The following IRX4 variants were observed in gnomAD, a reference collection of about 807,000 sequenced individuals.
The protein encoded by IRX4 is iroquois homeobox 4, also known as iroquois-class homeodomain protein IRX-4.
A neutral mutation model predicts 32.0 loss-of-function variants in IRX4; 22 were observed. That is an observed-to-expected ratio of 0.69 (90% CI 0.49 to 0.98). The LOEUF is 0.98. IRX4 is among the 50% of genes least tolerant of loss of function. The pLI is 0.00. For synonymous variants in IRX4, 379 were observed against 351.7 expected (o/e 1.08, Z -0.87); for missense variants, 840 against 744.2 (o/e 1.13, Z -1.50).
rs989702737 is a variant in IRX4, at chr5:1,878,532, C to A, written c.997G>T (p.Gly333Trp). The A allele has an allele frequency of 1.4e-6, 2 of 1,447,072 alleles. No homozygotes were observed. Among genetic ancestry groups the A allele is most frequent in the East Asian group, 2.7e-5 (1 of 37,492 alleles). 89.6% of individuals were successfully genotyped at this position (1,447,072 alleles called of 1,614,324 possible). ...TCTGCGCCCGGCAGTGGCTCCGGCC[C>A]GGCCGCCGCGCTGCGGAGACAGCTC... ...ARSCLRSAAA[G>W]PEPLPGAEGG... The change falls in exon 5 of 5, where the codon GGG (glycine) becomes TGG (tryptophan). Residue 333 changes from glycine to tryptophan, a missense_variant. By Grantham distance (184) the Gly-to-Trp change is radical (BLOSUM62 -2). This residue lies in a region of IRX4 where 585 missense variants were observed against 488.0 expected (regional missense o/e 1.20). Transcript: ENST00000231357.
intron 1 of IRX4, 37 bp from the exon 2 acceptor site, chr5:1,882,096 G>A (rs1453595180): frequency 5.2e-6 from 8 of 1,534,860 alleles, no homozygotes; most frequent in Non-Finnish European, 5.2e-6. Context: ...CGGGAAGCCG[G>A]GCTGGAGGCT....
rs1390798123 is a variant in IRX4, at chr5:1,881,077, G to T, written c.298-243C>A. On this transcript the variant is annotated intron_variant, in intron 2 of 4. Transcript: ENST00000231357. The stretch of plus-strand genomic sequence containing the variant: ...CGGGCCGGTGGGGGGGGGCGGGGGG[G>T]AGGAGGTGCAGTGTGGGGAGCGGGG... 4.2e-5 allele frequency: 14 copies of T among 337,142 alleles called. 2 individuals carry two copies. The highest frequency in any genetic ancestry group is 2.8e-4 in the Admixed American group (6 of 21,460). 20.9% of individuals were successfully genotyped at this position (337,142 alleles called of 1,614,324 possible).
In IRX4 at chr5:1,877,895, T is replaced by C. The variant is rs1354568582; in HGVS notation, c.*74A>G. ...CGCGGTGGCCGCGCTAGTCTTCCTC[T>C]GGAAACTCAGTGAAAAGAGTCGGCG... On this transcript the variant is annotated 3_prime_UTR_variant, in exon 5 of 5. Coordinates refer to ENST00000231357, the MANE Select transcript of IRX4 (RefSeq NM_016358.3). 3 of 1,359,862 alleles carry C rather than the reference T, an allele frequency of 2.2e-6. No homozygotes were observed. Among genetic ancestry groups the C allele is most frequent in the East Asian group, 2.7e-5 (1 of 36,890 alleles). The allele number at this position is 1,359,862 out of a possible 1,614,324, so 84.2% of individuals were successfully genotyped here.
chr5:1,880,437 C>G (rs1293788394), intron 3 of IRX4, among the ~76,000 whole-genome samples: 1 of 152,190 alleles, frequency 6.6e-6, no homozygotes, highest in East Asian at 1.9e-4. Context: ...TGAACTGGGC[C>G]TTCCAGATTC....
At chr5:1,882,978 G>C (rs1735509261), upstream of IRX4, among the ~76,000 whole-genome samples, 1 of 150,364 alleles carries the variant, frequency 6.7e-6, no homozygotes, top group Non-Finnish European at 1.5e-5. Flanking sequence ...TCAGATGTGC[G>C]CGGCTTGAAG....
Position 1,878,142 on chromosome 5 carries a change from C to G in IRX4, c.1387G>C (p.Ala463Pro), listed in dbSNP as rs375480367. 2.8e-5 allele frequency: 44 copies of G among 1,555,118 alleles called. 2 individuals are homozygous for G. The South Asian group carries it at 3.1e-4, about 11-fold the overall frequency. ...CCCAGAGGCCCGGGGTCCAGGAGGG[C>G]GCCCTTGGCGGTGGCCCAGGCCTGG... The part of the protein sequence containing the change: ...LNQAWATAKG[A>P]LLDPGPLGRS... The change falls in exon 5 of 5, where the codon GCC becomes CCC. Residue 463 changes from alanine to proline, a missense_variant. This residue lies in a region of IRX4 where 585 missense variants were observed against 488.0 expected (regional missense o/e 1.20). Transcript: ENST00000231357.
upstream of IRX4, among the ~76,000 whole-genome samples, chr5:1,885,253 C>G (rs1197474132): frequency 6.6e-6 from 1 of 152,316 alleles, no homozygotes; most frequent in East Asian, 1.9e-4. Context: ...CCAGAACAGG[C>G]GGCCATTCAT....
At chr5:1,886,271 G>C (rs115727776), upstream of IRX4, among the ~76,000 whole-genome samples, 145 of 152,352 alleles carry the variant, frequency 9.5e-4, 1 homozygote, top group African/African-American at 2.9e-3. Flanking sequence ...CGTCCGGAGG[G>C]AGCTCCTTCC....
chr5:1,884,203 C>G (rs974615315), upstream of IRX4: 1 of 152,296 alleles, frequency 6.6e-6, no homozygotes, highest in South Asian at 2.1e-4. Context: ...CCCTCGCCCC[C>G]TGGGCCGGCC....
chr5:1,879,875 G>A, intron 3 of IRX4, 43 bp from the exon 4 acceptor site: 2 of 1,608,510 alleles, frequency 1.2e-6, no homozygotes, highest in South Asian at 1.1e-5. Flanking sequence ...GGCCCTCTGG[G>A]CCCCAGGCAT....
rs370203420 is a variant in IRX4 at position 1,879,659 on chromosome 5, G to A, written c.581C>T (p.Ala194Val). 1 of 1,614,076 alleles carries A rather than the reference G, an allele frequency of 6.2e-7. No individual in the cohort carries two copies. The highest frequency in any genetic ancestry group is 8.5e-7 in the Non-Finnish European group (1 of 1,180,040). ...CTTCTTGAGGCGCCGGCGCGCGTTG[G>A]CGAACCAGGTGGAGACCTGTGTGAG... Reference protein sequence around the residue: ...MTLTQVSTWFANARRRLKKEN... With the variant: ...MTLTQVSTWFVNARRRLKKEN... Residue 194 changes from alanine to valine, a missense_variant, in exon 4 of 5, where the codon GCC (alanine) becomes GTC (valine). This residue lies in a region of IRX4 where 585 missense variants were observed against 488.0 expected (regional missense o/e 1.20). Coordinates refer to ENST00000231357, the MANE Select transcript of IRX4 (RefSeq NM_016358.3).
intron 2 of IRX4, among the ~76,000 whole-genome samples, 154 bp downstream of exon 2, chr5:1,881,654 C>T (rs1365704769): frequency 1.3e-5 from 2 of 152,144 alleles, no homozygotes; most frequent in African/African-American, 2.4e-5. Context: ...TTCTGAGGGT[C>T]TCGGCTGGGA....
intron 4 of IRX4, 148 bp from the exon 5 acceptor site, chr5:1,878,940 C>T (rs1231722556): frequency 2.4e-6 from 2 of 829,780 alleles, no homozygotes; most frequent in Non-Finnish European, 4.0e-6. Context: ...CTCCAGAGGC[C>T]ACCAGGTCAC....
upstream of IRX4, among the ~76,000 whole-genome samples, chr5:1,885,672 G>A (rs1735606583): frequency 6.6e-6 from 1 of 152,088 alleles, no homozygotes; most frequent in East Asian, 1.9e-4. Context: ...GGCGACCACC[G>A]GGACATCTCA....
chr5:1,881,961 G>A lies in IRX4; in HGVS notation c.144C>T (p.Tyr48=), dbSNP rs1579254498. Residue 48 remains tyrosine (Y), a synonymous_variant, in exon 2 of 5, where the codon TAC becomes TAT. Coordinates refer to ENST00000231357, the MANE Select transcript of IRX4 (RefSeq NM_016358.3). ...GPAASAQAPV[Y]CPVYESRLLA... ...GCAGCCGGCTCTCGTAGACCGGGCA[G>A]TAGACCGGCGCCTGGGCCGAGGCGG... 1 of 1,559,728 alleles carries A rather than the reference G, an allele frequency of 6.4e-7. No individual in the cohort carries two copies. Among genetic ancestry groups the A allele is most frequent in the Middle Eastern group, 1.7e-4 (1 of 5,978 alleles).
chr5:1,879,265 A>C (rs1735338428), intron 4 of IRX4, among the ~76,000 whole-genome samples: 1 of 152,150 alleles, frequency 6.6e-6, no homozygotes. Context: ...CGCTGGGATT[A>C]CAGGCGTGAG....
chr5:1,880,011 G>T, intron 3 of IRX4, 179 bp from the exon 4 acceptor site: 1 of 1,502,798 alleles, frequency 6.7e-7, no homozygotes, highest in Non-Finnish European at 8.9e-7. Flanking sequence ...GCCGCTGCCT[G>T]CTGGCACTTG....
chr5:1,881,060 TG>T (rs1362201839), intron 2 of IRX4: 8 of 7,450 alleles, frequency 1.1e-3, no homozygotes, highest in East Asian at 9.5e-3. Context: ...CGCGGGCCGG[TG>T]GGGGGGGGCG....
Position 1,877,640 on chromosome 5 carries a change from CG to C in IRX4, c.*328del. 1 of 336,182 alleles carries C rather than the reference CG, an allele frequency of 3.0e-6. No individual in the cohort carries two copies. The highest frequency in any genetic ancestry group is 6.0e-5 in the East Asian group (1 of 16,710). The allele number at this position is 336,182 out of a possible 1,614,324, so 20.8% of individuals were successfully genotyped here. A position where few individuals can be genotyped will look rare whatever the true frequency, so the allele number is the denominator to read the frequency against. ...CTCACGCCCAGGGGACAGCAGACCA[CG>C]CTTCAGAACGGAACCGCCTTCTCCA... On this transcript the variant is annotated 3_prime_UTR_variant, in exon 5 of 5. Coordinates refer to ENST00000231357, the MANE Select transcript of IRX4 (RefSeq NM_016358.3).
Sources: allele counts gnomAD v4.1 joint callset (sites outside exome capture counted in the v4.1 genomes callset), GRCh38; gene constraint gnomAD v4.1.1; regional missense constraint gnomAD v4.1.1; transcripts MANE v1.5; gene names NCBI Gene and HGNC (gene_info 2026-07-23, HGNC 2026-07-21).